Variants in SECTM1 observed in about 807,000 individuals in gnomAD.
The protein encoded by SECTM1 is secreted and transmembrane protein 1.
A neutral mutation model predicts 18.1 loss-of-function variants in SECTM1; 10 were observed. That is an observed-to-expected ratio of 0.55 (90% confidence interval 0.34 to 0.94). SECTM1 has a LOEUF of 0.94. Ranked by LOEUF, SECTM1 falls within the 40% of genes least tolerant of loss-of-function variation. The pLI, the probability that SECTM1 is intolerant of heterozygous loss-of-function variation, is 0.02. For missense variants in SECTM1, 297 were observed against 322.6 expected (o/e 0.92, Z 0.61); for synonymous variants, 137 against 139.2 (o/e 0.98, Z 0.11).
chr17:82,327,635 G>C (rs183866664), intron 1 of SECTM1, among the ~76,000 whole-genome samples: 1 of 152,270 alleles, frequency 6.6e-6, no homozygotes, highest in African/African-American at 2.4e-5. Flanking sequence ...AGGACAGGTG[G>C]AATCGTTGGT....
chr17:82,333,815 G>C (rs1004662989), upstream of SECTM1: 1 of 152,378 alleles, frequency 6.6e-6, no homozygotes, highest in Non-Finnish European at 1.5e-5. Context: ...ACCCGCGCGG[G>C]ACCCACCTCC....
rs866686154 is a variant in SECTM1 at position 82,321,562 on chromosome 17, T to A, written c.*599A>T. On this transcript the variant is annotated 3_prime_UTR_variant, in exon 5 of 5. Coordinates refer to ENST00000269389, the MANE Select transcript of SECTM1 (RefSeq NM_003004.3). ...CCAGCCCCGGAGGGCGGCGTCCACC[T>A]GACCCCCCAGCCCGAGCCGCCGCCG... 3 of 153,354 alleles carry A rather than the reference T, an allele frequency of 2.0e-5. No homozygotes were observed. Among genetic ancestry groups the A allele is most frequent in the Non-Finnish European group, 2.9e-5 (2 of 68,472 alleles). The allele number at this position is 153,354 out of a possible 1,614,324, so 9.5% of individuals were successfully genotyped here.
Position 82,322,027 on chromosome 17 carries a change from G to A in SECTM1, c.*134C>T, listed in dbSNP as rs377238123. 1 of 766,672 alleles carries A rather than the reference G, an allele frequency of 1.3e-6. No individual in the cohort carries two copies. The highest frequency in any genetic ancestry group is 1.7e-5 in the African/African-American group (1 of 57,892). 47.5% of individuals were successfully genotyped at this position (766,672 alleles called of 1,614,324 possible). On this transcript the variant is annotated 3_prime_UTR_variant, in exon 5 of 5. Coordinates refer to ENST00000269389, the MANE Select transcript of SECTM1 (RefSeq NM_003004.3). ...GAAGGGTCTGCACGCACCCAGGAGT[G>A]GGTGACACAGAGGCCCAGCCTGCCA... is the stretch of plus-strand genomic sequence containing the variant.
rs865896681 is a variant in SECTM1 at position 82,326,319 on chromosome 17, G to A, written c.94+828C>T. Among the ~76,000 whole-genome samples the A allele has an allele frequency of 1.2e-4, 19 of 152,150 alleles. No homozygotes were observed. Among genetic ancestry groups the A allele is most frequent in the South Asian group, 6.2e-4 (3 of 4,828 alleles). ...CTCTGACATCTTTTAAAAGCCCCTC[G>A]GGTGGCTCAGTGGCTCACGCCTGTA... On this transcript the variant is annotated intron_variant, in intron 2 of 4. Coordinates refer to ENST00000269389, the MANE Select transcript of SECTM1 (RefSeq NM_003004.3). This position sits in a 1 kb window ranked among gnomAD's most constrained non-coding sequence, Gnocchi z 4.3.
intron 3 of SECTM1, among the ~76,000 whole-genome samples, chr17:82,324,044 C>A (rs887235966): frequency 6.6e-6 from 1 of 151,974 alleles, no homozygotes; most frequent in African/African-American, 2.4e-5. Flanking sequence ...ACTAAGGGTG[C>A]TGCGCGGGCG....
At chr17:82,323,577 T>G (rs2052117294) in intron 3 of SECTM1, among the ~76,000 whole-genome samples, 1 of 148,578 alleles carries the variant, frequency 6.7e-6, no homozygotes, top group Non-Finnish European at 1.5e-5. Flanking sequence ...GTTTGGTGAC[T>G]AGAGGGGTCA....
chr17:82,323,133 A>T, intron 3 of SECTM1, 122 bp from the exon 4 acceptor site: 3 of 1,202,930 alleles, frequency 2.5e-6, no homozygotes, highest in Non-Finnish European at 3.5e-6. Context: ...GCCTTGGAAG[A>T]CGGCACCGCC....
Position 82,326,444 on chromosome 17 carries a change from A to G in SECTM1, c.94+703T>C, listed in dbSNP as rs539147453. 2.0e-5 allele frequency among the ~76,000 whole-genome samples: 3 copies of G among 152,110 alleles called. No homozygotes were observed. The East Asian group carries it at 5.8e-4, about 30-fold the overall frequency. On this transcript the variant is annotated intron_variant, in intron 2 of 4. Transcript: ENST00000269389. The surrounding 1 kb of genome is among the most constrained non-coding windows in gnomAD (Gnocchi z 4.3). ...GCAAAACCCCATCTCTACAAAAAAT[A>G]CACAATTTAGCCAGGTATGGTGTGC...
intron 1 of SECTM1, 98 bp from the exon 2 acceptor site, chr17:82,327,390 C>G: frequency 2.9e-6 from 2 of 682,896 alleles, no homozygotes; most frequent in Non-Finnish European, 5.1e-6. Context: ...GGCTGGGGGT[C>G]CCCGAGCTCT....
intron 1 of SECTM1, among the ~76,000 whole-genome samples, chr17:82,331,773 C>T (rs1191498241): frequency 6.6e-6 from 1 of 152,238 alleles, no homozygotes; most frequent in African/African-American, 2.4e-5. Context: ...GGCCGGGCAG[C>T]TCCGTGTGTG....
In SECTM1 at chr17:82,321,058, C is replaced by T. The variant is rs1381528627; in HGVS notation, c.*1103G>A. 1.3e-5 allele frequency: 2 copies of T among 152,184 alleles called. No individual in the cohort carries two copies. Among genetic ancestry groups the T allele is most frequent in the Non-Finnish European group, 2.9e-5 (2 of 68,042 alleles). 9.4% of individuals were successfully genotyped at this position (152,184 alleles called of 1,614,324 possible). A position where few individuals can be genotyped will look rare whatever the true frequency, so the allele number is the denominator to read the frequency against. On this transcript the variant is annotated 3_prime_UTR_variant, in exon 5 of 5. Coordinates refer to ENST00000269389, the MANE Select transcript of SECTM1 (RefSeq NM_003004.3). ...GCACGCGGACGGAACCTTATTTTAA[C>T]CCGAGACACAAACGCGCCCCTCTTG...
chr17:82,331,064 C>A (rs2052187387), intron 1 of SECTM1, among the ~76,000 whole-genome samples: 2 of 152,186 alleles, frequency 1.3e-5, no homozygotes, highest in Admixed American at 1.3e-4. Context: ...ATGTTGGCGA[C>A]CCTGACCCTT....
rs950062005 is a variant in SECTM1, at chr17:82,325,508, G to A, written c.95-618C>T. ...CCCCCAACATTCCCTTTCCCCTCCCGGCCACCCGCTCAGCTCCAGGTTGCT... is the reference window on the plus strand; with the variant it reads ...CCCCCAACATTCCCTTTCCCCTCCCAGCCACCCGCTCAGCTCCAGGTTGCT... On this transcript the variant is annotated intron_variant, in intron 2 of 4. Coordinates refer to ENST00000269389, the MANE Select transcript of SECTM1 (RefSeq NM_003004.3). The surrounding 1 kb of genome is among the most constrained non-coding windows in gnomAD (Gnocchi z 7.6). Among the ~76,000 whole-genome samples the A allele has an allele frequency of 6.6e-6, 1 of 152,162 alleles. No individual in the cohort carries two copies. Among genetic ancestry groups the A allele is most frequent in the East Asian group, 1.9e-4 (1 of 5,190 alleles).
At chr17:82,323,493 A>G (rs1298499082) in intron 3 of SECTM1, among the ~76,000 whole-genome samples, 11 of 136,498 alleles carry the variant, frequency 8.1e-5, no homozygotes. Context: ...GGGTGTGGTG[A>G]AGGTGGGAGG....
In SECTM1 at chr17:82,330,536, G is replaced by A. The variant is rs2052183221; in HGVS notation, c.-53+3164C>T. Among the ~76,000 whole-genome samples, 1 of 152,160 alleles carries A rather than the reference G, an allele frequency of 6.6e-6. No homozygotes were observed. The highest frequency in any genetic ancestry group is 1.5e-5 in the Non-Finnish European group (1 of 68,016). ...CACCCTGAGCCAGACCTCAGCAGCT[G>A]GGTCCTGGAGGCCCCCAAGGGCCAG... On this transcript the variant is annotated intron_variant, in intron 1 of 4. Transcript: ENST00000269389. The surrounding 1 kb of genome is among the most constrained non-coding windows in gnomAD (Gnocchi z 6.1).
rs181919564 is a variant in SECTM1 at position 82,325,434 on chromosome 17, C to T, written c.95-544G>A. ...AGGCCAGCCTCAGAGGCAAGCAGAG[C>T]AGACATGGGTTCCAGCCTGTCCTTG... is the stretch of plus-strand genomic sequence containing the variant. On this transcript the variant is annotated intron_variant, in intron 2 of 4. Coordinates refer to ENST00000269389, the MANE Select transcript of SECTM1 (RefSeq NM_003004.3). The surrounding 1 kb of genome is among the most constrained non-coding windows in gnomAD (Gnocchi z 7.6). Among the ~76,000 whole-genome samples the T allele has an allele frequency of 1.8e-3, 280 of 152,350 alleles. 1 individual carries two copies. The highest frequency in any genetic ancestry group is 2.9e-3 in the Non-Finnish European group (194 of 68,038).
intron 1 of SECTM1, among the ~76,000 whole-genome samples, chr17:82,327,946 GC>G (rs1037688314): frequency 7.1e-5 from 3 of 42,542 alleles, no homozygotes; most frequent in African/African-American, 3.4e-4. Context: ...CCGTCCACCA[GC>G]CCCCCCACCC....
In SECTM1 at chr17:82,322,893, G is replaced by C; in HGVS notation, c.522C>G (p.Ser174=). The change falls in exon 4 of 5, where the codon TCC becomes TCG. Residue 174 remains serine (S), a synonymous_variant. Transcript: ENST00000269389. The part of the protein sequence containing the change: ...VMFAWYRCRC[S]QQRREKKFFL... The stretch of plus-strand genomic sequence containing the variant: ...GGCCTCCTACCTCCCGGCGTTGCTG[G>C]GAACAGCGGCACCTGTACCAGGCGA... 1 of 1,613,760 alleles carries C rather than the reference G, an allele frequency of 6.2e-7. No homozygotes were observed. The highest frequency in any genetic ancestry group is 8.5e-7 in the Non-Finnish European group (1 of 1,179,958).
chr17:82,324,858 C>G lies in SECTM1; in HGVS notation c.127G>C (p.Val43Leu). ...WDSPICTEGV[V>L]SVSWGENTVM... Reference sequence around the variant, plus strand: ...GTGTTCTCGCCCCAAGACACAGAGACTACCCCCTCTGTGCAGATGGGGCTG... The same window carrying G: ...GTGTTCTCGCCCCAAGACACAGAGAGTACCCCCTCTGTGCAGATGGGGCTG... Residue 43 changes from valine to leucine, a missense_variant, in exon 3 of 5, where the codon GTC becomes CTC. Val to Leu is a conservative substitution (Grantham distance 32, BLOSUM62 1). Coordinates refer to ENST00000269389, the MANE Select transcript of SECTM1 (RefSeq NM_003004.3). 6.2e-7 allele frequency: 1 copy of G among 1,613,746 alleles called. No homozygotes were observed. Among genetic ancestry groups the G allele is most frequent in the South Asian group, 1.1e-5 (1 of 91,064 alleles).
Sources: allele counts gnomAD v4.1 joint callset (sites outside exome capture counted in the v4.1 genomes callset), GRCh38; gene constraint gnomAD v4.1.1; non-coding constraint Gnocchi (gnomAD v3.1); transcripts MANE v1.5; gene names NCBI Gene and HGNC (gene_info 2026-07-23, HGNC 2026-07-21).